VTI1A: variants seen among roughly 807,000 people sequenced by gnomAD.
VTI1A encodes the protein vesicle transport through interaction with t-SNAREs 1A, also known as vesicle transport through interaction with t-SNAREs homolog 1A.
In VTI1A, 22 loss-of-function variants were observed where a neutral mutation model predicts 34.9. That is an observed-to-expected ratio of 0.63 (90% CI 0.45 to 0.90). The LOEUF is 0.90. Among genes scored for constraint, VTI1A ranks in the 40% least tolerant of loss-of-function variants. The pLI is 0.00. For synonymous variants in VTI1A, 87 were observed against 97.3 expected (o/e 0.89, Z 0.62); for missense variants, 268 against 275.6 (o/e 0.97, Z 0.20).
intron 7 of VTI1A, among the ~76,000 whole-genome samples, chr10:112,766,969 A>G (rs1851668971): frequency 6.6e-6 from 1 of 152,250 alleles, no homozygotes; most frequent in African/African-American, 2.4e-5. Flanking sequence ...GCAATAGTAC[A>G]TTCAGGTGTT....
intron 1 of VTI1A, among the ~76,000 whole-genome samples, chr10:112,447,734 TTCTTAACG>T (rs1846959199): frequency 1.3e-5 from 2 of 152,356 alleles, no homozygotes; most frequent in South Asian, 4.1e-4. Context: ...CTGGAAACGT[TTCTTAACG>T]TCTTAAGAGT....
At chr10:112,470,112 A>G (rs188687827) in intron 3 of VTI1A, among the ~76,000 whole-genome samples, 15 of 152,328 alleles carry the variant, frequency 9.8e-5, no homozygotes, top group Admixed American at 9.8e-4. Flanking sequence ...CCGTGTTCAC[A>G]GTTGTGTAGA....
chr10:112,478,954 G>A (rs1162586079), intron 3 of VTI1A, among the ~76,000 whole-genome samples: 1 of 152,068 alleles, frequency 6.6e-6, no homozygotes, highest in African/African-American at 2.4e-5. Flanking sequence ...GGATCACAAG[G>A]TCAAGAGATC....
chr10:112,764,588 T>A (rs1251695247), intron 7 of VTI1A, among the ~76,000 whole-genome samples: 2 of 152,220 alleles, frequency 1.3e-5, no homozygotes, highest in Non-Finnish European at 2.9e-5. Flanking sequence ...ATAGTGCTTT[T>A]GCTGAGTATC....
At chr10:112,487,400 AG>A (rs1416870793) in intron 3 of VTI1A, among the ~76,000 whole-genome samples, 1 of 152,208 alleles carries the variant, frequency 6.6e-6, no homozygotes, top group African/African-American at 2.4e-5. Context: ...CTGGGCTTAC[AG>A]GTGTGAGCCA....
intron 5 of VTI1A, among the ~76,000 whole-genome samples, chr10:112,603,878 C>G (rs1005624590): frequency 1.3e-5 from 2 of 152,042 alleles, no homozygotes; most frequent in African/African-American, 4.8e-5. Context: ...GATGACAACA[C>G]CCAGTAACAA....
At chr10:112,681,380 C>CAGGA (rs1848214002) in intron 7 of VTI1A, among the ~76,000 whole-genome samples, 2 of 152,306 alleles carry the variant, frequency 1.3e-5, no homozygotes, top group African/African-American at 4.8e-5. Flanking sequence ...TGTGCCCAGC[C>CAGGA]AGGAGCCTTC....
chr10:112,487,753 C>T (rs1456339016), intron 3 of VTI1A, among the ~76,000 whole-genome samples: 1 of 152,158 alleles, frequency 6.6e-6, no homozygotes, highest in African/African-American at 2.4e-5. Context: ...GCCATCCCCT[C>T]TACTTTATAT....
At chr10:112,536,198 G>T (rs947375945) in intron 4 of VTI1A, among the ~76,000 whole-genome samples, 3 of 150,962 alleles carry the variant, frequency 2.0e-5, no homozygotes, top group Non-Finnish European at 4.4e-5. Context: ...TTTTAATTTT[G>T]GGATTTCATC....
chr10:112,614,995 T>C (rs1845462726), intron 5 of VTI1A, among the ~76,000 whole-genome samples: 1 of 152,070 alleles, frequency 6.6e-6, no homozygotes, highest in Non-Finnish European at 1.5e-5. Flanking sequence ...AGGAAAGGGA[T>C]GGAGTACACA....
chr10:112,706,359 A>G (rs969274370), intron 7 of VTI1A, among the ~76,000 whole-genome samples: 1 of 152,216 alleles, frequency 6.6e-6, no homozygotes, highest in Admixed American at 6.5e-5. Flanking sequence ...ATTTGACTTC[A>G]AAAACAAAAT....
intron 7 of VTI1A, among the ~76,000 whole-genome samples, chr10:112,813,458 T>G (rs1468557950): frequency 6.6e-6 from 1 of 152,224 alleles, no homozygotes; most frequent in Non-Finnish European, 1.5e-5. Flanking sequence ...TTTTGCTGAT[T>G]TCCTTTGCAA....
chr10:112,550,054 G>A (rs1190460881), intron 5 of VTI1A, among the ~76,000 whole-genome samples: 1 of 152,082 alleles, frequency 6.6e-6, no homozygotes, highest in East Asian at 1.9e-4. Flanking sequence ...TGAATTCATA[G>A]GGTTCATTTT....
chr10:112,849,539 C>T, the VTI1A span, among the ~76,000 whole-genome samples: 9 of 152,208 alleles, frequency 5.9e-5, no homozygotes, highest in South Asian at 2.1e-4. Flanking sequence ...TTAGAAAACC[C>T]GCCTTTCGAT....
At chr10:112,685,271 A>G (rs539799025) in intron 7 of VTI1A, among the ~76,000 whole-genome samples, 7 of 152,202 alleles carry the variant, frequency 4.6e-5, no homozygotes, top group African/African-American at 1.4e-4. Context: ...AGGATCATCC[A>G]TGATTCTCAC....
intron 5 of VTI1A, among the ~76,000 whole-genome samples, chr10:112,577,894 C>T (rs113215409): frequency 6.6e-6 from 1 of 152,208 alleles, no homozygotes; most frequent in African/African-American, 2.4e-5. Flanking sequence ...AATCCGTTCG[C>T]TGTTTAAGTT....
chr10:112,589,551 G>T (rs2134427333), intron 5 of VTI1A, among the ~76,000 whole-genome samples: 1 of 152,268 alleles, frequency 6.6e-6, no homozygotes, highest in East Asian at 1.9e-4. Context: ...GGGAAAAAAG[G>T]AGGGGATATG....
At chr10:112,729,472 A>G (rs946853475) in intron 7 of VTI1A, among the ~76,000 whole-genome samples, 9 of 152,316 alleles carry the variant, frequency 5.9e-5, no homozygotes, top group Admixed American at 3.3e-4. Flanking sequence ...TTAATTATCA[A>G]CAATCCCCAC....
intron 5 of VTI1A, among the ~76,000 whole-genome samples, chr10:112,667,346 G>C: frequency 6.6e-6 from 1 of 152,194 alleles, no homozygotes; most frequent in African/African-American, 2.4e-5. Flanking sequence ...CACCTCCCAG[G>C]TAATGGGGAA....
Sources: gnomAD v4.1 joint callset for allele counts (sites outside exome capture counted in the v4.1 genomes callset) on GRCh38, gnomAD v4.1.1 for gene constraint, MANE v1.5 for transcripts, NCBI Gene and HGNC (gene_info 2026-07-23, HGNC 2026-07-21) for gene names.